The following FHIT variants were observed in gnomAD, a reference collection of about 807,000 sequenced individuals.
The protein encoded by FHIT is bis(5'-adenosyl)-triphosphatase.
In FHIT, 19 loss-of-function variants were observed where a neutral mutation model predicts 17.9. The ratio of observed to expected loss-of-function variants is 1.06; its 90% CI spans 0.74 to 1.56. FHIT has a LOEUF of 1.56. Ranked by LOEUF, FHIT falls within the 40% of genes most tolerant of loss-of-function variation. The pLI is 0.00. For synonymous variants in FHIT, 81 were observed against 69.7 expected (o/e 1.16, Z -0.81); for missense variants, 248 against 189.2 (o/e 1.31, Z -1.82).
At chr3:60,948,261 C>G (rs547278913) in intron 3 of FHIT, among the ~76,000 whole-genome samples, 1 of 152,180 alleles carries the variant, frequency 6.6e-6, no homozygotes, top group Admixed American at 6.5e-5. Flanking sequence ...AGGCAGAAGG[C>G]CCAAAGGACC....
At chr3:60,384,135 C>T (rs2107124895) in intron 5 of FHIT, among the ~76,000 whole-genome samples, 1 of 151,912 alleles carries the variant, frequency 6.6e-6, no homozygotes, top group East Asian at 1.9e-4. Flanking sequence ...GAGTGTGGTG[C>T]TGCGTGCCTA....
At chr3:61,245,638 A>G (rs2040471365) in intron 1 of FHIT, among the ~76,000 whole-genome samples, 1 of 152,192 alleles carries the variant, frequency 6.6e-6, no homozygotes, top group African/African-American at 2.4e-5. Flanking sequence ...CACATCAACT[A>G]TTACCTCAGA....
chr3:60,648,646 C>A (rs1021098894), intron 4 of FHIT, among the ~76,000 whole-genome samples: 1 of 152,166 alleles, frequency 6.6e-6, no homozygotes, highest in African/African-American at 2.4e-5. Flanking sequence ...GATGAAGCAT[C>A]GCAGGAGCAA....
At chr3:60,051,238 C>T (rs527421130) in intron 5 of FHIT, among the ~76,000 whole-genome samples, 31 of 151,614 alleles carry the variant, frequency 2.0e-4, no homozygotes, top group Non-Finnish European at 4.4e-4. Context: ...TAGCCTGAGG[C>T]TGTCTCCGTA....
intron 5 of FHIT, among the ~76,000 whole-genome samples, chr3:60,272,185 T>G (rs1476862685): frequency 6.6e-6 from 1 of 152,224 alleles, no homozygotes; most frequent in Non-Finnish European, 1.5e-5. Context: ...ATTTTAACCT[T>G]GCTCTTTGGA....
chr3:60,860,815 G>C lies in FHIT; in HGVS notation c.-110-38804C>G. Among the ~76,000 whole-genome samples, 4 of 2,906 alleles carry C rather than the reference G, an allele frequency of 1.4e-3. 1 individual carries two copies. Among genetic ancestry groups the C allele is most frequent in the African/African-American group, 1.5e-3 (4 of 2,584 alleles). 1.9% of individuals were successfully genotyped at this position (2,906 alleles called of 152,430 possible). On this transcript the variant is annotated intron_variant, in intron 3 of 9. Transcript: ENST00000492590. ...ATGATACATATGTACATATATATCA[G>C]GTATATATGATACATATGTACATAT...
chr3:60,972,540 C>T (rs1420357730), intron 3 of FHIT, among the ~76,000 whole-genome samples: 1 of 150,926 alleles, frequency 6.6e-6, no homozygotes, highest in Non-Finnish European at 1.5e-5. Flanking sequence ...CTACAATATG[C>T]CTCCATATTT....
intron 4 of FHIT, among the ~76,000 whole-genome samples, chr3:60,788,632 C>G (rs1700665135): frequency 3.3e-5 from 5 of 152,108 alleles, no homozygotes; most frequent in Non-Finnish European, 7.4e-5. Context: ...CAGCCCTGTG[C>G]TATGCATCTC....
intron 4 of FHIT, among the ~76,000 whole-genome samples, chr3:60,693,795 T>C (rs1195222619): frequency 6.6e-6 from 1 of 152,208 alleles, no homozygotes; most frequent in East Asian, 1.9e-4. Flanking sequence ...TACTAGATAT[T>C]ACAACATCAG....
chr3:59,862,540 G>A (rs897922338), intron 8 of FHIT, among the ~76,000 whole-genome samples: 2 of 152,122 alleles, frequency 1.3e-5, no homozygotes, highest in Admixed American at 6.5e-5. Context: ...TTAGCATCCC[G>A]TTTGTAGAAG....
chr3:60,450,896 A>C (rs1214378109), intron 5 of FHIT, among the ~76,000 whole-genome samples: 3 of 152,168 alleles, frequency 2.0e-5, no homozygotes, highest in Admixed American at 2.0e-4. Flanking sequence ...CCATATAGAG[A>C]ATAAATAGTA....
chr3:60,414,083 G>A (rs1702159687), intron 5 of FHIT, among the ~76,000 whole-genome samples: 1 of 152,216 alleles, frequency 6.6e-6, no homozygotes, highest in South Asian at 2.1e-4. Flanking sequence ...GTGGATGACA[G>A]AGAAATGCAT....
At chr3:59,762,557 T>A (rs1701575646) in intron 8 of FHIT, among the ~76,000 whole-genome samples, 1 of 152,118 alleles carries the variant, frequency 6.6e-6, no homozygotes, top group East Asian at 1.9e-4. Flanking sequence ...GTATGTCTCA[T>A]CCAAACAAAT....
intron 3 of FHIT, among the ~76,000 whole-genome samples, chr3:60,834,331 T>A (rs1430192974): frequency 6.6e-6 from 1 of 152,210 alleles, no homozygotes; most frequent in Non-Finnish European, 1.5e-5. Flanking sequence ...CATTGTGGTT[T>A]TGATTTGCAT....
chr3:61,202,435 G>C (rs1383502984), intron 1 of FHIT, among the ~76,000 whole-genome samples: 3 of 151,860 alleles, frequency 2.0e-5, no homozygotes, highest in African/African-American at 7.3e-5. Context: ...CAAGTGTGAA[G>C]TGACAGCCTT....
At chr3:61,191,790 C>T (rs1457803476) in intron 2 of FHIT, among the ~76,000 whole-genome samples, 1 of 152,054 alleles carries the variant, frequency 6.6e-6, no homozygotes, top group Admixed American at 6.6e-5. Context: ...TCAGCCACTC[C>T]AGCTGTGAGC....
chr3:60,085,789 T>C (rs1014339668), intron 5 of FHIT, among the ~76,000 whole-genome samples: 1 of 152,204 alleles, frequency 6.6e-6, no homozygotes, highest in African/African-American at 2.4e-5. Context: ...AGTTGTCTCA[T>C]TTGTATACAG....
intron 8 of FHIT, among the ~76,000 whole-genome samples, chr3:59,799,462 C>G (rs767703724): frequency 2.0e-4 from 30 of 152,052 alleles, no homozygotes; most frequent in Admixed American, 5.2e-4. Flanking sequence ...TGGAAGAAAT[C>G]TGTGGATATT....
chr3:60,935,867 C>T (rs1002599567), intron 3 of FHIT, among the ~76,000 whole-genome samples: 7 of 152,194 alleles, frequency 4.6e-5, no homozygotes, highest in Non-Finnish European at 1.0e-4. Context: ...GGACACACTT[C>T]TGCTTTATGC....
Sources: allele counts gnomAD v4.1 joint callset (sites outside exome capture counted in the v4.1 genomes callset), GRCh38; gene constraint gnomAD v4.1.1; transcripts MANE v1.5; gene names NCBI Gene and HGNC (gene_info 2026-07-23, HGNC 2026-07-21).